GRID2: variants seen among roughly 807,000 people sequenced by gnomAD.
GRID2 encodes the protein glutamate receptor ionotropic, delta-2.
A neutral mutation model predicts 114.8 loss-of-function variants in GRID2; 33 were observed. The ratio of observed to expected loss-of-function variants is 0.29; its 90% CI spans 0.22 to 0.38. The LOEUF is 0.38. Among genes scored for constraint, GRID2 ranks in the 10% least tolerant of loss-of-function variants. GRID2 has a pLI of 1.00. For synonymous variants in GRID2, 505 were observed against 449.9 expected, an observed-to-expected ratio of 1.12 and a Z score of -1.55; for missense variants, 1,184 against 1,257.7, an observed-to-expected ratio of 0.94 and a Z score of 0.89.
intron 9 of GRID2, among the ~76,000 whole-genome samples, chr4:93,420,938 A>G (rs1025344706): frequency 6.6e-6 from 1 of 151,968 alleles, no homozygotes; most frequent in Non-Finnish European, 1.5e-5. Flanking sequence ...TATTTTTAGT[A>G]GAGACGGGGT....
intron 1 of GRID2, among the ~76,000 whole-genome samples, chr4:92,451,361 C>G (rs1010275283): frequency 6.6e-6 from 1 of 151,976 alleles, no homozygotes; most frequent in African/African-American, 2.4e-5. Context: ...AAGGATTCAT[C>G]TAAGGGAATG....
chr4:92,563,802 C>T (rs1013504936), intron 1 of GRID2, among the ~76,000 whole-genome samples: 1 of 152,036 alleles, frequency 6.6e-6, no homozygotes, highest in African/African-American at 2.4e-5. Flanking sequence ...TTCCAACCTA[C>T]TCAGTTACCT....
chr4:93,557,674 A>G (rs1024813498), intron 13 of GRID2, among the ~76,000 whole-genome samples: 1 of 152,222 alleles, frequency 6.6e-6, no homozygotes, highest in Non-Finnish European at 1.5e-5. Flanking sequence ...TATTAGACAC[A>G]TCAACAGGAC....
intron 4 of GRID2, among the ~76,000 whole-genome samples, chr4:93,135,375 A>C (rs188815478): frequency 6.6e-5 from 10 of 152,260 alleles, no homozygotes; most frequent in Middle Eastern, 3.4e-3. Flanking sequence ...TTGAGCACTA[A>C]GTTTTTGTTG....
chr4:93,770,411 C>A (rs187328710), intron 15 of GRID2, among the ~76,000 whole-genome samples: 1 of 152,184 alleles, frequency 6.6e-6, no homozygotes, highest in African/African-American at 2.4e-5. Flanking sequence ...ACAATAAATA[C>A]GGCTTCTCAT....
intron 1 of GRID2, among the ~76,000 whole-genome samples, chr4:92,437,901 A>G (rs548471873): frequency 1.2e-4 from 19 of 152,320 alleles, no homozygotes; most frequent in South Asian, 8.3e-4. Flanking sequence ...ATATCTCAGT[A>G]TTAGTTTCAG....
intron 4 of GRID2, among the ~76,000 whole-genome samples, chr4:93,157,063 T>C (rs879771251): frequency 6.6e-5 from 10 of 151,794 alleles, no homozygotes; most frequent in Non-Finnish European, 1.0e-4. Flanking sequence ...TCTATTTTTC[T>C]TTTATTTTAC....
At chr4:93,597,536 C>T (rs1739227605) in intron 13 of GRID2, among the ~76,000 whole-genome samples, 1 of 152,174 alleles carries the variant, frequency 6.6e-6, no homozygotes, top group Non-Finnish European at 1.5e-5. Flanking sequence ...TAATGCTCTC[C>T]TGCTCATTTG....
intron 4 of GRID2, among the ~76,000 whole-genome samples, chr4:93,137,754 T>C (rs1438926561): frequency 6.6e-6 from 1 of 152,112 alleles, no homozygotes; most frequent in Non-Finnish European, 1.5e-5. Flanking sequence ...TTATATCATC[T>C]TCTGTAACAT....
chr4:92,612,918 T>C (rs1196499963), intron 2 of GRID2, among the ~76,000 whole-genome samples: 1 of 151,368 alleles, frequency 6.6e-6, no homozygotes. Flanking sequence ...TTTTCTTTCT[T>C]TTATCATTTT....
intron 12 of GRID2, among the ~76,000 whole-genome samples, chr4:93,510,206 A>G (rs1326222291): frequency 6.6e-6 from 1 of 152,124 alleles, no homozygotes; most frequent in Non-Finnish European, 1.5e-5. Flanking sequence ...GTTCCACCCC[A>G]TAGAAAATGG....
intron 2 of GRID2, among the ~76,000 whole-genome samples, chr4:92,848,218 A>ATT (rs72175096): frequency 6.4e-4 from 92 of 142,804 alleles, no homozygotes; most frequent in African/African-American, 2.2e-3. Context: ...ACATTCAGGG[A>ATT]TTTTTTTTTT....
chr4:92,769,429 T>C (rs1167482927), intron 2 of GRID2, among the ~76,000 whole-genome samples: 3 of 152,068 alleles, frequency 2.0e-5, no homozygotes, highest in African/African-American at 7.2e-5. Context: ...CATTTTGGGG[T>C]CTGGAGTATG....
chr4:92,457,494 G>T (rs1253397935), intron 1 of GRID2, among the ~76,000 whole-genome samples: 2 of 152,100 alleles, frequency 1.3e-5, no homozygotes, highest in African/African-American at 4.8e-5. Context: ...CGCATCGAAA[G>T]ATGTAGGCTT....
intron 2 of GRID2, among the ~76,000 whole-genome samples, chr4:92,652,475 T>C (rs2149262717): frequency 6.6e-6 from 1 of 151,626 alleles, no homozygotes; most frequent in East Asian, 2.0e-4. Flanking sequence ...GCCAGGAGTT[T>C]GAGGCTTGCC....
intron 2 of GRID2, among the ~76,000 whole-genome samples, chr4:92,591,456 G>A (rs566522854): frequency 6.6e-6 from 1 of 152,094 alleles, no homozygotes; most frequent in Non-Finnish European, 1.5e-5. Context: ...GATAATGAAT[G>A]CAAAATTAAT....
intron 1 of GRID2, among the ~76,000 whole-genome samples, chr4:92,567,359 G>T (rs548505994): frequency 6.6e-6 from 1 of 151,996 alleles, no homozygotes; most frequent in South Asian, 2.1e-4. Flanking sequence ...TTATTTTTGA[G>T]TTAGATACCT....
At chr4:92,430,917 T>A (rs1732407669) in intron 1 of GRID2, among the ~76,000 whole-genome samples, 1 of 152,182 alleles carries the variant, frequency 6.6e-6, no homozygotes, top group South Asian at 2.1e-4. Context: ...TTGCTGTTGG[T>A]ATATACATAT....
At chr4:93,071,839 C>T (rs1158627025) in intron 2 of GRID2, among the ~76,000 whole-genome samples, 1 of 152,046 alleles carries the variant, frequency 6.6e-6, no homozygotes, top group Admixed American at 6.6e-5. Context: ...AATGACAAAG[C>T]TGTCAATATA....
Sources: gnomAD v4.1 joint callset for allele counts (sites outside exome capture counted in the v4.1 genomes callset) on GRCh38, gnomAD v4.1.1 for gene constraint, MANE v1.5 for transcripts, NCBI Gene and HGNC (gene_info 2026-07-23, HGNC 2026-07-21) for gene names.